Variants in MYLK observed in about 807,000 individuals in gnomAD.
The protein encoded by MYLK is myosin light chain kinase, smooth muscle.
In MYLK, 106 loss-of-function variants were observed where a neutral mutation model predicts 203.4. That is an observed-to-expected ratio of 0.52 (90% CI 0.45 to 0.61). The LOEUF is 0.61. Among genes scored for constraint, MYLK ranks in the 20% least tolerant of loss-of-function variants. The probability of loss-of-function intolerance (pLI) is 0.00; values close to 1 mark genes in which losing one functional copy is unlikely to be tolerated. For synonymous variants in MYLK, 867 were observed against 959.5 expected (o/e 0.90, Z 1.78); for missense variants, 2,072 against 2,442.3 (o/e 0.85, Z 3.20).
intron 31 of MYLK, 136 bp from the exon 32 acceptor site, chr3:123,620,472 G>T: frequency 6.3e-7 from 1 of 1,575,810 alleles, no homozygotes; most frequent in Non-Finnish European, 8.6e-7. Context: ...GAGAGCCGAG[G>T]TTCTGCCAGA....
chr3:123,682,862 G>A (rs554126384), intron 19 of MYLK, among the ~76,000 whole-genome samples: 3 of 152,122 alleles, frequency 2.0e-5, no homozygotes, highest in Non-Finnish European at 4.4e-5. Flanking sequence ...CCTCTGAGAC[G>A]GGGTCTAGGC....
At chr3:123,776,338 G>C (rs1416260301) in intron 4 of MYLK, among the ~76,000 whole-genome samples, 1 of 152,176 alleles carries the variant, frequency 6.6e-6, no homozygotes, top group African/African-American at 2.4e-5. Flanking sequence ...ACTGATAACA[G>C]TGCAAGCTGA....
chr3:123,756,406 G>A (rs1196729323), intron 4 of MYLK, among the ~76,000 whole-genome samples: 13 of 152,180 alleles, frequency 8.5e-5, no homozygotes, highest in African/African-American at 2.7e-4. Context: ...GACACCCCTA[G>A]GAGAGTCAGT....
At chr3:123,639,093 A>C in intron 28 of MYLK, 1 of 982,748 alleles carries the variant, frequency 1.0e-6, no homozygotes, top group Non-Finnish European at 1.2e-6. Flanking sequence ...TGGAAGCTGG[A>C]CATTGTGTTC....
intron 5 of MYLK, among the ~76,000 whole-genome samples, chr3:123,740,715 G>A (rs1351413390): frequency 3.9e-5 from 6 of 152,272 alleles, no homozygotes; most frequent in African/African-American, 1.2e-4. Context: ...TGGGCAAGGC[G>A]CTGCTATGCT....
At chr3:123,634,345 T>C (rs970246336) in intron 29 of MYLK, among the ~76,000 whole-genome samples, 2 of 152,178 alleles carry the variant, frequency 1.3e-5, no homozygotes, top group East Asian at 3.9e-4. Context: ...AGGCAGAGGT[T>C]ACTGGATCTG....
At chr3:123,654,917 C>T (rs2059344796) in intron 24 of MYLK, among the ~76,000 whole-genome samples, 1 of 151,970 alleles carries the variant, frequency 6.6e-6, no homozygotes, top group African/African-American at 2.4e-5. Context: ...GGGGTTTTGC[C>T]ATGTTGCCCA....
intron 3 of MYLK, among the ~76,000 whole-genome samples, chr3:123,796,014 C>T (rs1173894710): frequency 5.3e-5 from 8 of 152,070 alleles, no homozygotes; most frequent in African/African-American, 1.9e-4. Context: ...GGGCACATCC[C>T]CTGCTTGATA....
chr3:123,872,349 T>A (rs1268016524), intron 2 of MYLK, among the ~76,000 whole-genome samples: 1 of 152,176 alleles, frequency 6.6e-6, no homozygotes, highest in Non-Finnish European at 1.5e-5. Flanking sequence ...TCATACCAAC[T>A]GAATCTCTCT....
chr3:123,824,840 T>C (rs2066058144), intron 3 of MYLK, among the ~76,000 whole-genome samples: 2 of 152,096 alleles, frequency 1.3e-5, no homozygotes, highest in South Asian at 4.1e-4. Context: ...AGAATGATCA[T>C]CTTCATTAAA....
intron 3 of MYLK, among the ~76,000 whole-genome samples, chr3:123,819,218 CAAG>C (rs1309205681): frequency 2.0e-5 from 3 of 152,204 alleles, no homozygotes; most frequent in Admixed American, 6.5e-5. Flanking sequence ...ACTATCTTTT[CAAG>C]AAGATTTGCA....
chr3:123,685,083 G>A (rs1334061651), intron 19 of MYLK, among the ~76,000 whole-genome samples: 3 of 152,190 alleles, frequency 2.0e-5, no homozygotes, highest in Non-Finnish European at 4.4e-5. Flanking sequence ...GGTTGTGTTG[G>A]GCTTTACTTC....
chr3:123,792,113 G>A lies in MYLK; in HGVS notation c.165+1564C>T, dbSNP rs578161361. Among the ~76,000 whole-genome samples the A allele has an allele frequency of 5.9e-5, 9 of 152,286 alleles. No homozygotes were observed. The South Asian group carries it at 1.0e-3, about 18-fold the overall frequency. ...CAAGTTCCAAATCGAGTCACTCAAG[G>A]CATGGTTCTTTCATGACACCAAGGT... On this transcript the variant is annotated intron_variant, in intron 4 of 33. Transcript: ENST00000360304.
At position 123,755,114 on chromosome 3, in the gene MYLK, G is replaced by A. The variant is rs1351168755; in HGVS notation, c.166-2576C>T. ...CTGCAAACCATCATTGTCTTCTCCT[G>A]CACTCCATTAGGCAGGGCTGGTCTA... On this transcript the variant is annotated intron_variant, in intron 4 of 33. Transcript: ENST00000360304. 2.6e-5 allele frequency among the ~76,000 whole-genome samples: 4 copies of A among 152,200 alleles called. No homozygotes were observed. The East Asian group carries it at 7.7e-4, about 29-fold the overall frequency.
rs2059762191 is a variant in MYLK at position 123,667,111 on chromosome 3, C to T, written c.3703+26G>A. On this transcript the variant is annotated intron_variant, in intron 21 of 33. Coordinates refer to ENST00000360304, the MANE Select transcript of MYLK (RefSeq NM_053025.4). Reference sequence around the variant, plus strand: ...CCCCCATGGTAGATGACTTCTTTGACCCCAGATAGTGCCGTGGCCAATTAC... The same window carrying T: ...CCCCCATGGTAGATGACTTCTTTGATCCCAGATAGTGCCGTGGCCAATTAC... The T allele has an allele frequency of 1.9e-6, 3 of 1,612,680 alleles. No individual in the cohort carries two copies. The East Asian group carries it at 6.7e-5, about 36-fold the overall frequency.
chr3:123,724,186 T>C (rs1467037724), intron 12 of MYLK, among the ~76,000 whole-genome samples: 1 of 118,494 alleles, frequency 8.4e-6, no homozygotes, highest in East Asian at 2.9e-4. Context: ...TTCACTGTGT[T>C]GGCCAGGCTG....
intron 1 of MYLK, among the ~76,000 whole-genome samples, chr3:123,880,932 G>A (rs1269686017): frequency 3.3e-5 from 5 of 152,132 alleles, no homozygotes; most frequent in South Asian, 2.1e-4. Context: ...CTGTTGGCCC[G>A]CAGTGCAAAT....
chr3:123,654,872 A>G (rs2059344027), intron 24 of MYLK, among the ~76,000 whole-genome samples: 1 of 151,914 alleles, frequency 6.6e-6, no homozygotes, highest in South Asian at 2.1e-4. Flanking sequence ...GCATGCCACC[A>G]TGCCCAGCTA....
chr3:123,863,035 C>T (rs2032049813), intron 2 of MYLK, among the ~76,000 whole-genome samples: 1 of 152,180 alleles, frequency 6.6e-6, no homozygotes, highest in Non-Finnish European at 1.5e-5. Flanking sequence ...TCCAGACTGC[C>T]TGGGTTCAAA....
Sources: gnomAD v4.1 joint callset for allele counts (sites outside exome capture counted in the v4.1 genomes callset) on GRCh38, gnomAD v4.1.1 for gene constraint, MANE v1.5 for transcripts, NCBI Gene and HGNC (gene_info 2026-07-23, HGNC 2026-07-21) for gene names.